The following DPT variants were observed in gnomAD, a reference collection of about 807,000 sequenced individuals.
DPT encodes tyrosine-rich acidic matrix protein.
A neutral mutation model predicts 31.2 loss-of-function variants in DPT; 21 were observed. That is an observed-to-expected ratio of 0.67 (90% confidence interval 0.48 to 0.97). The LOEUF is 0.97. Ranked by LOEUF, DPT falls within the 50% of genes least tolerant of loss-of-function variation. The pLI, the probability that DPT is intolerant of heterozygous loss-of-function variation, is 0.00. For synonymous variants in DPT, 91 were observed against 86.9 expected, an observed-to-expected ratio of 1.05 and a Z score of -0.26; for missense variants, 262 against 258.8, an observed-to-expected ratio of 1.01 and a Z score of -0.08.
chr1:168,726,749 T>C (rs1415156154), intron 1 of DPT, among the ~76,000 whole-genome samples: 1 of 152,222 alleles, frequency 6.6e-6, no homozygotes, highest in Non-Finnish European at 1.5e-5. Context: ...TGTAATTAGG[T>C]CATTGCCATG....
intron 3 of DPT, among the ~76,000 whole-genome samples, chr1:168,699,824 G>A (rs1015561837): frequency 6.6e-6 from 1 of 152,022 alleles, no homozygotes; most frequent in Non-Finnish European, 1.5e-5. Flanking sequence ...CTAAAAGTAG[G>A]CCAAACCAAT....
chr1:168,712,031 C>T lies in DPT; in HGVS notation c.431+2190G>A, dbSNP rs146139502. 5.3e-5 allele frequency among the ~76,000 whole-genome samples: 8 copies of T among 152,258 alleles called. No homozygotes were observed. The East Asian group carries it at 1.4e-3, about 26-fold the overall frequency. Reference sequence around the variant, plus strand: ...TTTCTGGGCCACTTCACATTATATACACCCTCCACAATTATTAATGTGGAT... The same window carrying T: ...TTTCTGGGCCACTTCACATTATATATACCCTCCACAATTATTAATGTGGAT... On this transcript the variant is annotated intron_variant, in intron 2 of 3. Coordinates refer to ENST00000367817, the MANE Select transcript of DPT (RefSeq NM_001937.5).
chr1:168,727,108 T>A (rs1355388533), intron 1 of DPT, among the ~76,000 whole-genome samples: 3 of 152,202 alleles, frequency 2.0e-5, no homozygotes, highest in African/African-American at 7.2e-5. Flanking sequence ...CTGCCCTGAA[T>A]CTGGTCCTGT....
At chr1:168,705,321 AC>A (rs1353854587) in intron 2 of DPT, among the ~76,000 whole-genome samples, 1 of 152,172 alleles carries the variant, frequency 6.6e-6, no homozygotes, top group African/African-American at 2.4e-5. Flanking sequence ...AGTCGGTGTC[AC>A]CTGGAAGCTC....
Position 168,728,861 on chromosome 1 carries a change from G to C in DPT, c.305+9C>G. 1 of 1,613,772 alleles carries C rather than the reference G, an allele frequency of 6.2e-7. No individual in the cohort carries two copies. Among genetic ancestry groups the C allele is most frequent in the Non-Finnish European group, 8.5e-7 (1 of 1,179,772 alleles). ...CCAGCCCCAGTGCAGTGCAGGGACTGGCCCTTACCATTCCATGCCAGCCCT... is the reference window on the plus strand; with the variant it reads ...CCAGCCCCAGTGCAGTGCAGGGACTCGCCCTTACCATTCCATGCCAGCCCT... On this transcript the variant is annotated intron_variant, in intron 1 of 3. Transcript: ENST00000367817.
chr1:168,718,313 G>A (rs185763469), intron 1 of DPT, among the ~76,000 whole-genome samples: 28 of 152,328 alleles, frequency 1.8e-4, no homozygotes, highest in Admixed American at 6.5e-4. Context: ...CAAATTCCCC[G>A]CCAGCTGTTG....
At chr1:168,711,959 G>C (rs1356193238) in intron 2 of DPT, among the ~76,000 whole-genome samples, 1 of 151,848 alleles carries the variant, frequency 6.6e-6, no homozygotes, top group Non-Finnish European at 1.5e-5. Flanking sequence ...GGGCAGAAGT[G>C]GAGGGATGGG....
chr1:168,696,481 T>G lies in DPT; in HGVS notation c.*68A>C. 1 of 1,380,882 alleles carries G rather than the reference T, an allele frequency of 7.2e-7. No individual in the cohort carries two copies. The allele number at this position is 1,380,882 out of a possible 1,614,324, so 85.5% of individuals were successfully genotyped here. A position where few individuals can be genotyped will look rare whatever the true frequency, so the allele number is the denominator to read the frequency against. On this transcript the variant is annotated 3_prime_UTR_variant, in exon 4 of 4. Transcript: ENST00000367817. ...ACTTCTATAGGAGATCCAACTGATG[T>G]TAACATATGTGGACACCCTCCTGTC...
Position 168,715,269 on chromosome 1 carries a change from T to C in DPT, c.306-923A>G, listed in dbSNP as rs150010088. On this transcript the variant is annotated intron_variant, in intron 1 of 3. Coordinates refer to ENST00000367817, the MANE Select transcript of DPT (RefSeq NM_001937.5). Reference sequence around the variant, plus strand: ...TGACTTAGAATAGTACAATCATTTCTTCCTTTGTTCCATCTCTAGTATGAT... The same window carrying C: ...TGACTTAGAATAGTACAATCATTTCCTCCTTTGTTCCATCTCTAGTATGAT... Among the ~76,000 whole-genome samples, 18 of 152,358 alleles carry C rather than the reference T, an allele frequency of 1.2e-4. No individual in the cohort carries two copies. In the East Asian group the frequency reaches 2.9e-3, roughly 24 times the overall value.
intron 2 of DPT, among the ~76,000 whole-genome samples, chr1:168,702,716 A>T (rs1433439919): frequency 6.7e-6 from 1 of 149,596 alleles, no homozygotes; most frequent in African/African-American, 2.5e-5. Context: ...GGTTCAAGTG[A>T]TTCTCCTGCC....
intron 3 of DPT, 109 bp downstream of exon 3, chr1:168,700,908 G>T (rs2273170): frequency 0.041 from 5,150 of 126,462 alleles, 196 homozygotes; most frequent in African/African-American, 0.12. Flanking sequence ...TGTGTGTGTG[G>T]GTGTGTGTGT....
At chr1:168,709,254 G>A (rs1221421915) in intron 2 of DPT, among the ~76,000 whole-genome samples, 1 of 152,226 alleles carries the variant, frequency 6.6e-6, no homozygotes, top group Admixed American at 6.5e-5. Context: ...GCAGCCTGCA[G>A]CTGCTGAGCT....
chr1:168,726,818 G>T (rs1389754047), intron 1 of DPT, among the ~76,000 whole-genome samples: 2 of 152,248 alleles, frequency 1.3e-5, no homozygotes. Context: ...ATCAAGGTGA[G>T]CCTGGTCTCT....
intron 1 of DPT, among the ~76,000 whole-genome samples, chr1:168,726,843 C>T (rs543670295): frequency 6.6e-6 from 1 of 152,334 alleles, no homozygotes; most frequent in Admixed American, 6.5e-5. Flanking sequence ...CAGCATCTGT[C>T]AGAAGGGGTT....
chr1:168,724,810 C>A (rs1650201518), intron 1 of DPT, among the ~76,000 whole-genome samples: 1 of 150,448 alleles, frequency 6.6e-6, no homozygotes, highest in Admixed American at 6.7e-5. Flanking sequence ...TTCAAATGCA[C>A]CTCGATGCTG....
intron 2 of DPT, among the ~76,000 whole-genome samples, chr1:168,710,867 G>A (rs1649839296): frequency 6.6e-6 from 1 of 152,114 alleles, no homozygotes; most frequent in Admixed American, 6.6e-5. Context: ...GCTTCAAGAA[G>A]CAATGCTCAG....
intron 3 of DPT, among the ~76,000 whole-genome samples, chr1:168,697,986 T>G (rs1232885394): frequency 3.3e-5 from 5 of 152,208 alleles, no homozygotes; most frequent in Admixed American, 2.0e-4. Flanking sequence ...TTTCCATATT[T>G]AATTATGCAA....
At chr1:168,716,846 C>T (rs1649997314) in intron 1 of DPT, among the ~76,000 whole-genome samples, 2 of 152,122 alleles carry the variant, frequency 1.3e-5, no homozygotes, top group African/African-American at 2.4e-5. Flanking sequence ...AGGATGATGG[C>T]TTCTAGCTTC....
chr1:168,707,098 A>T (rs1254445968), intron 2 of DPT, among the ~76,000 whole-genome samples: 1 of 152,220 alleles, frequency 6.6e-6, no homozygotes, highest in Non-Finnish European at 1.5e-5. Context: ...TTGGAGGCAG[A>T]TAGACTGGTT....
Sources: gnomAD v4.1 joint callset for allele counts (sites outside exome capture counted in the v4.1 genomes callset) on GRCh38, gnomAD v4.1.1 for gene constraint, MANE v1.5 for transcripts, NCBI Gene and HGNC (gene_info 2026-07-23, HGNC 2026-07-21) for gene names.